Variants in SMARCA4 observed in about 807,000 individuals in gnomAD.
The protein encoded by SMARCA4 is SWI/SNF related BAF chromatin remodeling complex subunit ATPase 4.
A neutral mutation model predicts 193.9 loss-of-function variants in SMARCA4; 31 were observed. The ratio of observed to expected loss-of-function variants is 0.16; its 90% confidence interval spans 0.12 to 0.22. The LOEUF (loss-of-function observed/expected upper bound fraction) is 0.22. Ranked by LOEUF, SMARCA4 falls within the 10% of genes least tolerant of loss-of-function variation. The pLI is 1.00. For missense variants in SMARCA4, 1,148 were observed against 2,296.0 expected, an observed-to-expected ratio of 0.50 and a Z score of 10.22; for synonymous variants, 942 against 933.1, an observed-to-expected ratio of 1.01 and a Z score of -0.17.
At chr19:10,999,993 A>G (rs192369969) in intron 11 of SMARCA4, among the ~76,000 whole-genome samples, 269 of 152,266 alleles carry the variant, frequency 1.8e-3, no homozygotes, top group African/African-American at 6.1e-3. Flanking sequence ...TGGGAGGCCA[A>G]GGTGGGCGGA....
chr19:10,978,780 A>ATATATATATATATATATAT (rs1555746925), intron 1 of SMARCA4, among the ~76,000 whole-genome samples: 5 of 148,230 alleles, frequency 3.4e-5, no homozygotes, highest in African/African-American at 1.2e-4. Flanking sequence ...AAATACAAAA[A>ATATATATATATATATATAT]ATATATATAT....
intron 30 of SMARCA4, among the ~76,000 whole-genome samples, chr19:11,054,168 G>A (rs2076413777): frequency 6.6e-6 from 1 of 152,220 alleles, no homozygotes; most frequent in Admixed American, 6.5e-5. Context: ...CCCACCCTGT[G>A]ACCTAGAGTA....
intron 30 of SMARCA4, among the ~76,000 whole-genome samples, chr19:11,056,840 G>A (rs1021856085): frequency 6.6e-6 from 1 of 152,208 alleles, no homozygotes; most frequent in African/African-American, 2.4e-5. Flanking sequence ...TCTGCCCCTT[G>A]GTGACATCAG....
intron 30 of SMARCA4, among the ~76,000 whole-genome samples, chr19:11,056,543 C>T (rs12609863): frequency 0.18 from 27,163 of 152,098 alleles, 3,051 homozygotes; most frequent in Non-Finnish European, 0.25. Context: ...AGATTCACTC[C>T]CACCTCAATT....
At chr19:11,021,199 G>A in intron 18 of SMARCA4, 2 of 232,912 alleles carry the variant, frequency 8.6e-6, no homozygotes, top group Non-Finnish European at 1.7e-5. Context: ...TGCAGTGGGA[G>A]TGCTCTTTGA....
intron 30 of SMARCA4, among the ~76,000 whole-genome samples, chr19:11,042,136 G>T (rs2075653459): frequency 6.6e-6 from 1 of 152,232 alleles, no homozygotes; most frequent in Non-Finnish European, 1.5e-5. Flanking sequence ...CTCCAAGCCT[G>T]GAGATCGCTG....
At chr19:11,008,434 T>C (rs187958236) in intron 14 of SMARCA4, 186 of 330,204 alleles carry the variant, frequency 5.6e-4, no homozygotes, top group Middle Eastern at 4.4e-3. Context: ...TGTACATTGG[T>C]GTGCACCTTG....
chr19:11,015,284 T>C (rs59444055), intron 16 of SMARCA4, among the ~76,000 whole-genome samples: 50,872 of 152,070 alleles, frequency 0.33, 8,765 homozygotes, highest in South Asian at 0.47. Context: ...GTCAGTTTTC[T>C]CACAAGTGGC....
chr19:11,034,783 T>G lies in SMARCA4; in HGVS notation c.3952-131T>G. On this transcript the variant is annotated intron_variant, in intron 28 of 34. Transcript: ENST00000344626. This position sits in a 1 kb window ranked among gnomAD's most constrained non-coding sequence, Gnocchi z 7.0. ...CAGCCACTGAAAAATCGAGAGCTACTGTTTAACTCTCGCAGCAGCGTGGAG... is the reference window on the plus strand; with the variant it reads ...CAGCCACTGAAAAATCGAGAGCTACGGTTTAACTCTCGCAGCAGCGTGGAG... 1 of 715,192 alleles carries G rather than the reference T, an allele frequency of 1.4e-6. No homozygotes were observed. The highest frequency in any genetic ancestry group is 2.0e-5 in the Admixed American group (1 of 49,126). 44.3% of individuals were successfully genotyped at this position (715,192 alleles called of 1,614,324 possible). A position where few individuals can be genotyped will look rare whatever the true frequency, so the allele number is the denominator to read the frequency against.
intron 18 of SMARCA4, among the ~76,000 whole-genome samples, chr19:11,020,415 G>GT (rs1210085184): frequency 2.2e-3 from 322 of 143,790 alleles, no homozygotes; most frequent in Admixed American, 2.4e-3. Context: ...TTGCGTTTTG[G>GT]TTTTTTTTTT....
rs566729305 is a variant in SMARCA4 at position 11,036,279 on chromosome 19, C to T, written c.4170+1147C>T. ...TGTTTGGCTGCTGTATGAGTGTCAC[C>T]GGCCCTGCATTTTTTTCTTTTTTAA... On this transcript the variant is annotated intron_variant, in intron 29 of 34. Transcript: ENST00000344626. Among the ~76,000 whole-genome samples, 14 of 152,288 alleles carry T rather than the reference C, an allele frequency of 9.2e-5. No homozygotes were observed. In the South Asian group the frequency reaches 2.3e-3, roughly 25 times the overall value.
At chr19:10,996,151 A>G (rs983212995) in intron 9 of SMARCA4, 62 bp from the exon 10 acceptor site, 14 of 1,573,388 alleles carry the variant, frequency 8.9e-6, no homozygotes, top group Admixed American at 5.0e-5. Context: ...TTGACTGGCC[A>G]TGGGTGCTCA....
At chr19:11,046,874 A>G (rs2075955212) in intron 30 of SMARCA4, among the ~76,000 whole-genome samples, 1 of 151,712 alleles carries the variant, frequency 6.6e-6, no homozygotes, top group South Asian at 2.1e-4. Context: ...AAGGACCACA[A>G]GAAGTCAAGG....
chr19:11,054,783 A>G (rs1160117126), intron 30 of SMARCA4, among the ~76,000 whole-genome samples: 1 of 152,104 alleles, frequency 6.6e-6, no homozygotes, highest in African/African-American at 2.4e-5. Flanking sequence ...TAAGTCAGCT[A>G]TTAAGAGGTG....
At chr19:10,967,550 T>G (rs1334940249) in intron 1 of SMARCA4, among the ~76,000 whole-genome samples, 1 of 151,946 alleles carries the variant, frequency 6.6e-6, no homozygotes, top group Non-Finnish European at 1.5e-5. Flanking sequence ...GACCTCGTTA[T>G]CCGTCTGCCT....
intron 1 of SMARCA4, among the ~76,000 whole-genome samples, chr19:10,967,718 C>CT (rs1290804396): frequency 1.1e-3 from 136 of 126,760 alleles, no homozygotes; most frequent in Middle Eastern, 0.012. Flanking sequence ...CAGTTGTACT[C>CT]TTTTCTCCCA....
rs2147087484 is a variant in SMARCA4 at position 11,058,330 on chromosome 19, C to T, written c.4500C>T (p.Leu1500=). The T allele has an allele frequency of 6.2e-7, 1 of 1,613,278 alleles. No individual in the cohort carries two copies. The highest frequency in any genetic ancestry group is 1.1e-5 in the South Asian group (1 of 91,078). ...SRKELPEYYE[L]IRKPVDFKKI... The stretch of plus-strand genomic sequence containing the variant: ...AGGAGCTGCCCGAGTACTACGAGCT[C>T]ATCCGCAAGCCCGTGGACTTCAAGA... The change falls in exon 31 of 35, where the codon CTC becomes CTT. Residue 1500 remains leucine (L), a synonymous_variant. Transcript: ENST00000344626. The surrounding 1 kb of genome is among the most constrained non-coding windows in gnomAD (Gnocchi z 5.8).
In SMARCA4 at chr19:11,012,856, G is replaced by T. The variant is rs563586147; in HGVS notation, c.2275-93G>T. ...GTGGGATGTGGCTTAGGCAGAACTC[G>T]TGGCTGGCGGTGTCTTGACTCTCTG... On this transcript the variant is annotated intron_variant, in intron 15 of 34. Coordinates refer to ENST00000344626, the MANE Select transcript of SMARCA4 (RefSeq NM_003072.5). 4.2e-6 allele frequency: 5 copies of T among 1,193,366 alleles called. No homozygotes were observed. In the South Asian group the frequency reaches 5.0e-5, roughly 12 times the overall value. The allele number at this position is 1,193,366 out of a possible 1,614,324, so 73.9% of individuals were successfully genotyped here.
At chr19:10,988,368 A>G (rs1362805821) in intron 6 of SMARCA4, among the ~76,000 whole-genome samples, 1 of 152,028 alleles carries the variant, frequency 6.6e-6, no homozygotes, top group African/African-American at 2.4e-5. Flanking sequence ...GATGCTCCCA[A>G]AGTGCTGGGA....
Sources: gnomAD v4.1 joint callset for allele counts (sites outside exome capture counted in the v4.1 genomes callset) on GRCh38, gnomAD v4.1.1 for gene constraint, Gnocchi (gnomAD v3.1) non-coding constraint, MANE v1.5 for transcripts, NCBI Gene and HGNC (gene_info 2026-07-23, HGNC 2026-07-21) for gene names.